Variants in SGCE observed in about 807,000 individuals in gnomAD.
SGCE encodes sarcoglycan epsilon.
SGCE carries 26 observed loss-of-function variants against 57.8 expected under a neutral mutation model. The observed-to-expected ratio is 0.45, with a 90% confidence interval of 0.33 to 0.62. SGCE has a LOEUF of 0.62. SGCE is among the 20% of genes least tolerant of loss of function. The pLI is 0.02. For missense variants in SGCE, 468 were observed against 548.6 expected, an observed-to-expected ratio of 0.85 and a Z score of 1.47; for synonymous variants, 183 against 189.5, an observed-to-expected ratio of 0.97 and a Z score of 0.28.
intron 8 of SGCE, chr7:94,599,260 T>C: frequency 3.3e-6 from 1 of 305,434 alleles, no homozygotes; most frequent in Non-Finnish European, 6.0e-6. Context: ...TTATTTTCTA[T>C]GATTTAAGAT....
intron 4 of SGCE, chr7:94,621,375 C>T (rs926929652): frequency 1.3e-5 from 2 of 152,240 alleles, no homozygotes; most frequent in African/African-American, 4.8e-5. Context: ...ACTACTCCTT[C>T]TCACTAGCAC....
At chr7:94,622,189 A>T (rs1464282840) in intron 4 of SGCE, 2 of 152,176 alleles carry the variant, frequency 1.3e-5, no homozygotes, top group African/African-American at 4.8e-5. Context: ...TTTTAGTTGC[A>T]CTAGTAAATA....
At chr7:94,628,028 AGAG>A in intron 3 of SGCE, 171 bp downstream of exon 3, 1 of 561,332 alleles carries the variant, frequency 1.8e-6, no homozygotes, top group South Asian at 2.5e-5. Flanking sequence ...CTTTATAAAC[AGAG>A]AAGAATGGCA....
At chr7:94,590,844 A>G (rs1157907011) in intron 9 of SGCE, 2 of 152,222 alleles carry the variant, frequency 1.3e-5, no homozygotes, top group African/African-American at 4.8e-5. Context: ...TATTTCAGCC[A>G]GGCAAATATT....
chr7:94,609,095 T>A (rs887986442), intron 5 of SGCE, among the ~76,000 whole-genome samples: 2 of 152,164 alleles, frequency 1.3e-5, no homozygotes, highest in Non-Finnish European at 2.9e-5. Context: ...AAATTTCTCT[T>A]CTGCAAAAGA....
chr7:94,627,577 C>T (rs575713223), intron 3 of SGCE: 1 of 152,430 alleles, frequency 6.6e-6, no homozygotes, highest in African/African-American at 2.4e-5. Context: ...TTTTCTTATA[C>T]CTCTAAGATT....
At chr7:94,607,473 T>G (rs1238320049) in intron 5 of SGCE, among the ~76,000 whole-genome samples, 1 of 152,142 alleles carries the variant, frequency 6.6e-6, no homozygotes, top group Non-Finnish European at 1.5e-5. Flanking sequence ...ACTGGGACTT[T>G]CCCCAGTTAT....
chr7:94,605,057 A>T (rs1019726375), intron 5 of SGCE, among the ~76,000 whole-genome samples: 1 of 151,708 alleles, frequency 6.6e-6, no homozygotes, highest in Non-Finnish European at 1.5e-5. Context: ...AGATCTACTT[A>T]TATTCATTCT....
chr7:94,586,085 A>AAAAAC (rs1796874067), intron 10 of SGCE, among the ~76,000 whole-genome samples: 1 of 150,680 alleles, frequency 6.6e-6, no homozygotes, highest in East Asian at 1.9e-4. Flanking sequence ...AAAAAAAAAA[A>AAAAAC]AACAACAACT....
At chr7:94,624,123 TA>T (rs1451575874) in intron 3 of SGCE, 7 of 385,466 alleles carry the variant, frequency 1.8e-5, no homozygotes, top group Non-Finnish European at 3.2e-5. Context: ...TTTAACTTTA[TA>T]ACAGATATTA....
intron 5 of SGCE, among the ~76,000 whole-genome samples, chr7:94,614,107 C>CAAAAAAAA (rs925650428): frequency 4.2e-5 from 4 of 94,952 alleles, no homozygotes; most frequent in Non-Finnish European, 6.0e-5. Context: ...AAATTGAAAT[C>CAAAAAAAA]AAAAAAAAAA....
chr7:94,588,802 A>G, intron 9 of SGCE, 70 bp from the exon 10 acceptor site: 4 of 1,597,328 alleles, frequency 2.5e-6, no homozygotes, highest in Non-Finnish European at 3.4e-6. Context: ...CAGACATACT[A>G]GAATGAAAAA....
chr7:94,630,937 GTTTC>G (rs942689367), intron 1 of SGCE, among the ~76,000 whole-genome samples: 7 of 152,054 alleles, frequency 4.6e-5, no homozygotes, highest in Middle Eastern at 3.4e-3. Flanking sequence ...CCCACAAAAT[GTTTC>G]TTTATCTGTG....
intron 3 of SGCE, chr7:94,625,453 T>TA (rs1395089055): frequency 7.2e-5 from 11 of 152,058 alleles, no homozygotes; most frequent in Non-Finnish European, 1.3e-4. Flanking sequence ...AATGAACTCT[T>TA]ATGAAACCAT....
At position 94,623,195 on chromosome 7, in the gene SGCE, T is replaced by C. The variant is rs1029578492; in HGVS notation, c.463+130A>G. 21 of 591,776 alleles carry C rather than the reference T, an allele frequency of 3.5e-5. No homozygotes were observed. The East Asian group carries it at 5.7e-4, about 16-fold the overall frequency. 36.7% of individuals were successfully genotyped at this position (591,776 alleles called of 1,614,324 possible). ...ACATATTGCTTAGTTTTCTTTTCTA[T>C]ATCTTATTATTTCATCAGTTATATT... On this transcript the variant is annotated intron_variant, in intron 4 of 10. Coordinates refer to ENST00000648936, the MANE Select transcript of SGCE (RefSeq NM_003919.3).
intron 5 of SGCE, among the ~76,000 whole-genome samples, chr7:94,616,629 G>C (rs761049320): frequency 6.6e-6 from 1 of 152,074 alleles, no homozygotes; most frequent in Non-Finnish European, 1.5e-5. Context: ...AGGAAATAAA[G>C]TATTAGTTAA....
intron 5 of SGCE, chr7:94,617,381 A>G (rs2116870209): frequency 6.6e-6 from 1 of 152,286 alleles, no homozygotes; most frequent in South Asian, 2.1e-4. Context: ...AAACTCTACC[A>G]ATGCCTTGTT....
At chr7:94,606,563 C>T (rs1191844351) in intron 5 of SGCE, among the ~76,000 whole-genome samples, 1 of 152,150 alleles carries the variant, frequency 6.6e-6, no homozygotes, top group Non-Finnish European at 1.5e-5. Context: ...CAGAAATGGA[C>T]ACAACCAGCA....
At chr7:94,599,924 T>A in intron 7 of SGCE, 1 of 419,658 alleles carries the variant, frequency 2.4e-6, no homozygotes, top group African/African-American at 2.0e-5. Flanking sequence ...GAGAAACACA[T>A]AGAAAAATGA....
Sources: gnomAD v4.1 joint callset for allele counts (sites outside exome capture counted in the v4.1 genomes callset) on GRCh38, gnomAD v4.1.1 for gene constraint, MANE v1.5 for transcripts, NCBI Gene and HGNC (gene_info 2026-07-23, HGNC 2026-07-21) for gene names.